Variants in ARMH1 observed in about 807,000 individuals in gnomAD.
The protein encoded by ARMH1 is armadillo like helical domain containing 1, also known as armadillo-like helical domain containing protein 1.
Under a neutral mutation model 50.2 loss-of-function variants are expected in ARMH1, and 34 were observed. The observed-to-expected ratio is 0.68, with a 90% CI of 0.51 to 0.90. The LOEUF is 0.90. ARMH1 is among the 40% of genes least tolerant of loss of function. ARMH1 has a pLI of 0.00. For missense variants in ARMH1, 538 were observed against 553.9 expected (o/e 0.97, Z 0.29); for synonymous variants, 221 against 224.2 (o/e 0.99, Z 0.13).
intron 6 of ARMH1, among the ~76,000 whole-genome samples, chr1:44,715,947 A>G (rs1332782120): frequency 6.6e-6 from 1 of 152,250 alleles, no homozygotes; most frequent in Non-Finnish European, 1.5e-5. Flanking sequence ...ATGCATGAGC[A>G]TGGGCCCCAC....
Position 44,724,864 on chromosome 1 carries a change from C to A in ARMH1, c.1128+25C>A. ...GGTAAGTGCGCCCTTCCTGCCCCGCCGCAATGAGCAGATGGCGGCTCGGAC... is the reference window on the plus strand; with the variant it reads ...GGTAAGTGCGCCCTTCCTGCCCCGCAGCAATGAGCAGATGGCGGCTCGGAC... On this transcript the variant is annotated intron_variant, in intron 10 of 11. Transcript: ENST00000535358. The surrounding 1 kb of genome is among the most constrained non-coding windows in gnomAD (Gnocchi z 6.4). 5 of 1,535,430 alleles carry A rather than the reference C, an allele frequency of 3.3e-6. No individual in the cohort carries two copies. The highest frequency in any genetic ancestry group is 4.4e-6 in the Non-Finnish European group (5 of 1,144,368).
intron 10 of ARMH1, 30 bp from the exon 11 acceptor site, chr1:44,725,106 C>T: frequency 6.4e-7 from 1 of 1,551,592 alleles, no homozygotes. Context: ...CCTGGCACCC[C>T]AGCCGGGTCC....
At chr1:44,685,410 A>G (rs1369473402) in intron 1 of ARMH1, among the ~76,000 whole-genome samples, 2 of 147,764 alleles carry the variant, frequency 1.4e-5, no homozygotes, top group Non-Finnish European at 3.0e-5. Context: ...GTCTCATTCG[A>G]TCTTCCCACC....
rs576175548 is a variant in ARMH1, at chr1:44,725,485, G to C, written c.*82G>C. ...AGGAAGGCGCCTGGGGTCAAGCTCAGAGCCACTCCACTTGGCTCCAGGGGG... is the reference window on the plus strand; with the variant it reads ...AGGAAGGCGCCTGGGGTCAAGCTCACAGCCACTCCACTTGGCTCCAGGGGG... On this transcript the variant is annotated 3_prime_UTR_variant, in exon 12 of 12. Transcript: ENST00000535358. The C allele has an allele frequency of 1.4e-6, 2 of 1,383,408 alleles. No homozygotes were observed. Among genetic ancestry groups the C allele is most frequent in the Non-Finnish European group, 2.0e-6 (2 of 998,614 alleles). 85.7% of individuals were successfully genotyped at this position (1,383,408 alleles called of 1,614,324 possible).
chr1:44,721,058 A>AAAAAG (rs1443872589), intron 6 of ARMH1, among the ~76,000 whole-genome samples: 2 of 151,980 alleles, frequency 1.3e-5, no homozygotes, highest in Non-Finnish European at 2.9e-5. Flanking sequence ...AAACAAAAAA[A>AAAAAG]GGGCAAAAGA....
chr1:44,689,657 C>G lies in ARMH1; in HGVS notation c.-22-19C>G, dbSNP rs746131170. The stretch of plus-strand genomic sequence containing the variant: ...TTCTAAACATTCCGGTAACCTGTCT[C>G]TTTTCCCTCCCTCTGTAGCCAACTT... On this transcript the variant is annotated intron_variant, in intron 1 of 11. Transcript: ENST00000535358. 5.9e-6 allele frequency: 9 copies of G among 1,531,406 alleles called. No homozygotes were observed. Among genetic ancestry groups the G allele is most frequent in the Non-Finnish European group, 8.0e-6 (9 of 1,128,898 alleles). The allele number at this position is 1,531,406 out of a possible 1,614,324, so 94.9% of individuals were successfully genotyped here.
In ARMH1 at chr1:44,709,474, C is replaced by A. The variant is rs548041003; in HGVS notation, c.724+5301C>A. ...GATCACGAGGTCAGGAGATCGAGAC[C>A]ATCCTGGCTAACACGGTGAAACCCC... On this transcript the variant is annotated intron_variant, in intron 6 of 11. Transcript: ENST00000535358. 5.3e-5 allele frequency among the ~76,000 whole-genome samples: 8 copies of A among 152,112 alleles called. No individual in the cohort carries two copies. The East Asian group carries it at 5.8e-4, about 11-fold the overall frequency.
chr1:44,695,775 T>C (rs574302444), intron 2 of ARMH1, among the ~76,000 whole-genome samples: 323 of 152,020 alleles, frequency 2.1e-3, no homozygotes, highest in Non-Finnish European at 3.2e-3. Flanking sequence ...CCCCTGTCTC[T>C]ACAAAAAATA....
rs578182403 is a variant in ARMH1, at chr1:44,721,630, G to A, written c.725-2492G>A. On this transcript the variant is annotated intron_variant, in intron 6 of 11. Transcript: ENST00000535358. ...CAAAATTAGACAGGCTTATGAGGCT[G>A]AGGTGGGAGGATTGCTTGAGCATGG... 6.0e-4 allele frequency among the ~76,000 whole-genome samples: 91 copies of A among 152,290 alleles called. 1 individual carries two copies. Among genetic ancestry groups the A allele is most frequent in the African/African-American group, 2.1e-3 (89 of 41,560 alleles).
At chr1:44,722,674 G>A (rs904173136) in intron 6 of ARMH1, among the ~76,000 whole-genome samples, 1 of 151,936 alleles carries the variant, frequency 6.6e-6, no homozygotes, top group African/African-American at 2.4e-5. Flanking sequence ...AACCCGGGAG[G>A]CAGAGGTTGC....
At chr1:44,703,919 T>G (rs1045281556) in intron 5 of ARMH1, among the ~76,000 whole-genome samples, 170 bp from the exon 6 acceptor site, 17 of 150,878 alleles carry the variant, frequency 1.1e-4, no homozygotes, top group Admixed American at 2.6e-4. Context: ...GTAGAGACAG[T>G]GTTTCACTTT....
intron 6 of ARMH1, among the ~76,000 whole-genome samples, chr1:44,716,554 C>T (rs1423137133): frequency 6.6e-6 from 1 of 152,208 alleles, no homozygotes; most frequent in East Asian, 1.9e-4. Flanking sequence ...ACCCAGCTGC[C>T]CAGGCTAGAA....
Position 44,689,372 on chromosome 1 carries a change from A to G in ARMH1, c.-22-304A>G, listed in dbSNP as rs528852388. On this transcript the variant is annotated intron_variant, in intron 1 of 11. Transcript: ENST00000535358. Reference sequence around the variant, plus strand: ...GTCACCACGCCCGGCCTTGGCAAGCACTTTTATCTCAGCTGGATGCTCTGG... The same window carrying G: ...GTCACCACGCCCGGCCTTGGCAAGCGCTTTTATCTCAGCTGGATGCTCTGG... 8 of 291,814 alleles carry G rather than the reference A, an allele frequency of 2.7e-5. No individual in the cohort carries two copies. In the South Asian group the frequency reaches 2.8e-4, roughly 10 times the overall value. The allele number at this position is 291,814 out of a possible 1,614,324, so 18.1% of individuals were successfully genotyped here.
intron 1 of ARMH1, among the ~76,000 whole-genome samples, chr1:44,685,209 C>A (rs995088039): frequency 6.6e-6 from 1 of 151,944 alleles, no homozygotes; most frequent in African/African-American, 2.4e-5. Flanking sequence ...AGAAAGGTTT[C>A]AAAATCATCA....
rs927189118 is a variant in ARMH1, at chr1:44,683,538, C to A, written c.-22-6138C>A. On this transcript the variant is annotated intron_variant, in intron 1 of 11. Coordinates refer to ENST00000535358, the MANE Select transcript of ARMH1 (RefSeq NM_001145636.2). This position sits in a 1 kb window ranked among gnomAD's most constrained non-coding sequence, Gnocchi z 4.2. Reference sequence around the variant, plus strand: ...AGGATTCAGAGAGTCTGGAGTAGAACCAGGGGATTCTGGGGTTAGGAAAAG... The same window carrying A: ...AGGATTCAGAGAGTCTGGAGTAGAAACAGGGGATTCTGGGGTTAGGAAAAG... Among the ~76,000 whole-genome samples the A allele has an allele frequency of 6.6e-6, 1 of 152,180 alleles. No homozygotes were observed. Among genetic ancestry groups the A allele is most frequent in the Non-Finnish European group, 1.5e-5 (1 of 68,032 alleles).
intron 6 of ARMH1, among the ~76,000 whole-genome samples, chr1:44,704,461 T>C (rs1490972503): frequency 6.6e-6 from 1 of 152,118 alleles, no homozygotes; most frequent in African/African-American, 2.4e-5. Context: ...AGGAATGTCC[T>C]TCTTCTAAGA....
At chr1:44,723,896 C>T (rs1399122132) in intron 6 of ARMH1, 1 of 519,018 alleles carries the variant, frequency 1.9e-6, no homozygotes, top group Non-Finnish European at 3.3e-6. Flanking sequence ...CATCCTAGGC[C>T]GCCTCGACAG....
At chr1:44,690,157 G>C (rs1169572369) in intron 2 of ARMH1, among the ~76,000 whole-genome samples, 1 of 152,170 alleles carries the variant, frequency 6.6e-6, no homozygotes, top group African/African-American at 2.4e-5. Flanking sequence ...GGCAGAGGTT[G>C]CAGTGAGCCG....
At chr1:44,715,362 C>G (rs761176988) in intron 6 of ARMH1, among the ~76,000 whole-genome samples, 4 of 152,204 alleles carry the variant, frequency 2.6e-5, no homozygotes, top group African/African-American at 9.6e-5. Context: ...GTCTCTTGTT[C>G]ATTGTGGTTT....
Sources: allele counts gnomAD v4.1 joint callset (sites outside exome capture counted in the v4.1 genomes callset), GRCh38; gene constraint gnomAD v4.1.1; non-coding constraint Gnocchi (gnomAD v3.1); transcripts MANE v1.5; gene names NCBI Gene and HGNC (gene_info 2026-07-23, HGNC 2026-07-21).